Variants in PLEKHG1 observed in about 807,000 individuals in gnomAD.
The protein encoded by PLEKHG1 is pleckstrin homology domain-containing family G member 1.
A neutral mutation model predicts 100.8 loss-of-function variants in PLEKHG1; 44 were observed. That is an observed-to-expected ratio of 0.44 (90% CI 0.34 to 0.56). The LOEUF (loss-of-function observed/expected upper bound fraction) is 0.56, where lower values mean the gene tolerates loss of function less well. Ranked by LOEUF, PLEKHG1 falls within the 20% of genes least tolerant of loss-of-function variation. The probability of loss-of-function intolerance (pLI) is 0.01; values close to 1 mark genes in which losing one functional copy is unlikely to be tolerated. For missense variants in PLEKHG1, 1,545 were observed against 1,720.9 expected (o/e 0.90, Z 1.81); for synonymous variants, 640 against 662.5 (o/e 0.97, Z 0.52).
intron 1 of PLEKHG1, among the ~76,000 whole-genome samples, chr6:150,625,558 T>C (rs907205424): frequency 6.6e-6 from 1 of 152,026 alleles, no homozygotes; most frequent in Non-Finnish European, 1.5e-5. Context: ...AGTGGTGCAA[T>C]CTTGGCTCAC....
intron 3 of PLEKHG1, among the ~76,000 whole-genome samples, chr6:150,713,886 T>C (rs1235575882): frequency 6.6e-6 from 1 of 152,162 alleles, no homozygotes; most frequent in Non-Finnish European, 1.5e-5. Context: ...GGATGAGAAA[T>C]TCCTTTGCAA....
At chr6:150,753,495 G>A (rs1416051500) in intron 2 of PLEKHG1, among the ~76,000 whole-genome samples, 2 of 152,092 alleles carry the variant, frequency 1.3e-5, no homozygotes, top group African/African-American at 4.8e-5. Flanking sequence ...GGGACCTGCC[G>A]AGCTGGCCGC....
intron 10 of PLEKHG1, among the ~76,000 whole-genome samples, chr6:150,812,119 G>A (rs892810504): frequency 6.6e-6 from 1 of 152,138 alleles, no homozygotes; most frequent in African/African-American, 2.4e-5. Flanking sequence ...GGCAGGGAGA[G>A]GAACCTGTGA....
chr6:150,626,246 T>G (rs540367664), intron 1 of PLEKHG1, among the ~76,000 whole-genome samples: 44 of 152,244 alleles, frequency 2.9e-4, no homozygotes, highest in Admixed American at 8.5e-4. Context: ...CATATTTTGT[T>G]TCCGTTAAGG....
At chr6:150,672,821 C>G (rs1167214236) in intron 3 of PLEKHG1, among the ~76,000 whole-genome samples, 1 of 152,194 alleles carries the variant, frequency 6.6e-6, no homozygotes, top group African/African-American at 2.4e-5. Context: ...TCTCATTTCT[C>G]TCAGTATTTC....
intron 2 of PLEKHG1, among the ~76,000 whole-genome samples, chr6:150,738,960 G>A (rs1660795360): frequency 6.6e-6 from 1 of 152,170 alleles, no homozygotes; most frequent in South Asian, 2.1e-4. Context: ...TTGGAAAGCA[G>A]AAAATAAGGG....
chr6:150,713,097 T>C (rs1292877337), intron 3 of PLEKHG1, among the ~76,000 whole-genome samples: 2 of 152,210 alleles, frequency 1.3e-5, no homozygotes, highest in East Asian at 3.9e-4. Flanking sequence ...TCCTGGTACA[T>C]GAGGGCGAGT....
At chr6:150,687,007 G>A (rs1456920172) in intron 3 of PLEKHG1, 1 of 152,680 alleles carries the variant, frequency 6.5e-6, no homozygotes, top group Non-Finnish European at 1.5e-5. Flanking sequence ...TTGACACCTT[G>A]ATGTGATTGT....
intron 2 of PLEKHG1, among the ~76,000 whole-genome samples, chr6:150,744,206 C>T (rs1414245271): frequency 6.6e-6 from 1 of 152,200 alleles, no homozygotes; most frequent in African/African-American, 2.4e-5. Flanking sequence ...TCCCAAGTAG[C>T]TGGGACTACA....
rs1776916425 is a variant in PLEKHG1, at chr6:150,831,332, A to G, written c.2221A>G (p.Ile741Val). ...TGAACTCCAAGCGGTTGAGGAGAAC[A>G]TCTATGACACCATAGGGCTCCCAGA... is the stretch of plus-strand genomic sequence containing the variant. Residue 741 changes from isoleucine (I) to valine (V), a missense_variant, in exon 15 of 16, where the codon ATC (isoleucine) becomes GTC (valine). By Grantham distance (29) the Ile-to-Val change is conservative (BLOSUM62 3). Transcript: ENST00000358517. The surrounding 1 kb of genome is among the most constrained non-coding windows in gnomAD (Gnocchi z 4.1). The G allele has an allele frequency of 6.2e-7, 1 of 1,614,144 alleles. No individual in the cohort carries two copies. Among genetic ancestry groups the G allele is most frequent in the Non-Finnish European group, 8.5e-7 (1 of 1,180,022 alleles).
chr6:150,651,871 A>G (rs1405324432), intron 3 of PLEKHG1: 1 of 152,158 alleles, frequency 6.6e-6, no homozygotes, highest in Non-Finnish European at 1.5e-5. Flanking sequence ...AAGAAAAAAA[A>G]AAGTCTTTAA....
chr6:150,693,058 C>T (rs568741702), intron 3 of PLEKHG1, among the ~76,000 whole-genome samples: 6 of 152,214 alleles, frequency 3.9e-5, no homozygotes, highest in African/African-American at 7.2e-5. Context: ...ACTGTTCCTG[C>T]GGTTGGATCA....
intron 1 of PLEKHG1, among the ~76,000 whole-genome samples, chr6:150,616,575 A>G (rs896699659): frequency 2.6e-5 from 4 of 152,230 alleles, no homozygotes; most frequent in African/African-American, 9.6e-5. Context: ...GGGATGCCCC[A>G]CTTAAGTACA....
At chr6:150,759,292 G>A (rs1784027426) in intron 2 of PLEKHG1, among the ~76,000 whole-genome samples, 1 of 152,164 alleles carries the variant, frequency 6.6e-6, no homozygotes, top group Admixed American at 6.5e-5. Flanking sequence ...GCATGTGAAT[G>A]GGACTGATCC....
Position 150,811,744 on chromosome 6 carries a change from C to T in PLEKHG1, c.1278+2010C>T, listed in dbSNP as rs556780188. On this transcript the variant is annotated intron_variant, in intron 10 of 15. Transcript: ENST00000358517. ...ACTGAGGCAGGGGCTGGGGCAGGGA[C>T]GGGAAGGGCAGGAGCCCCTGGAGGG... is the stretch of plus-strand genomic sequence containing the variant. 2.6e-5 allele frequency among the ~76,000 whole-genome samples: 4 copies of T among 151,562 alleles called. No homozygotes were observed. In the South Asian group the frequency reaches 6.3e-4, roughly 24 times the overall value.
intron 1 of PLEKHG1, among the ~76,000 whole-genome samples, chr6:150,601,469 C>T (rs73619628): frequency 0.02 from 2,997 of 152,176 alleles, 88 homozygotes; most frequent in African/African-American, 0.068. Flanking sequence ...CAAACCCCTA[C>T]CCCCTGTAAT....
chr6:150,620,301 C>G (rs1777244178), intron 1 of PLEKHG1, among the ~76,000 whole-genome samples: 2 of 152,222 alleles, frequency 1.3e-5, no homozygotes, highest in Non-Finnish European at 2.9e-5. Flanking sequence ...GCCCTGAATA[C>G]TGGGAGGCCT....
intron 2 of PLEKHG1, among the ~76,000 whole-genome samples, chr6:150,737,435 G>A (rs1782625718): frequency 6.6e-6 from 1 of 151,622 alleles, no homozygotes; most frequent in Non-Finnish European, 1.5e-5. Flanking sequence ...GGGACTATAG[G>A]CGCCCGCCAC....
chr6:150,654,193 T>G (rs927396025), intron 3 of PLEKHG1, among the ~76,000 whole-genome samples: 1 of 152,240 alleles, frequency 6.6e-6, no homozygotes. Flanking sequence ...CCAAGGCACG[T>G]CCAGGCACCG....
Sources: gnomAD v4.1 joint callset for allele counts (sites outside exome capture counted in the v4.1 genomes callset) on GRCh38, gnomAD v4.1.1 for gene constraint, Gnocchi (gnomAD v3.1) non-coding constraint, MANE v1.5 for transcripts, NCBI Gene and HGNC (gene_info 2026-07-23, HGNC 2026-07-21) for gene names.